NRXN3: variants seen among roughly 807,000 people sequenced by gnomAD.
The protein encoded by NRXN3 is neurexin III.
NRXN3 carries 32 observed loss-of-function variants against 137.6 expected under a neutral mutation model. That is an observed-to-expected ratio of 0.23 (90% confidence interval 0.18 to 0.31). NRXN3 has a LOEUF of 0.31. Among genes scored for constraint, NRXN3 ranks in the 10% least tolerant of loss-of-function variants. The probability of loss-of-function intolerance (pLI) is 1.00; values close to 1 mark genes in which losing one functional copy is unlikely to be tolerated. For missense variants in NRXN3, 1,574 were observed against 2,062.5 expected (o/e 0.76, Z 4.59); for synonymous variants, 798 against 784.5 (o/e 1.02, Z -0.29).
intron 15 of NRXN3, among the ~76,000 whole-genome samples, chr14:79,216,663 TTGTC>T (rs1273874444): frequency 1.3e-5 from 2 of 152,186 alleles, no homozygotes; most frequent in African/African-American, 4.8e-5. Context: ...GTTTGAAACA[TTGTC>T]TTTCTTCACC....
At chr14:78,983,252 TA>T (rs1243361314) in intron 14 of NRXN3, among the ~76,000 whole-genome samples, 1 of 152,162 alleles carries the variant, frequency 6.6e-6, no homozygotes, top group Non-Finnish European at 1.5e-5. Flanking sequence ...CTCAGAAAAC[TA>T]AAAATAGAAT....
At chr14:78,625,665 C>A (rs917373325) in intron 4 of NRXN3, among the ~76,000 whole-genome samples, 1 of 152,132 alleles carries the variant, frequency 6.6e-6, no homozygotes, top group African/African-American at 2.4e-5. Flanking sequence ...GTTATATCCT[C>A]CATCAGAGGT....
intron 16 of NRXN3, among the ~76,000 whole-genome samples, chr14:79,601,228 A>G (rs992156625): frequency 6.6e-6 from 1 of 151,840 alleles, no homozygotes. Context: ...TTTTTAGTAG[A>G]GACGGGGTTT....
At chr14:78,919,617 T>C (rs1452763542) in intron 10 of NRXN3, among the ~76,000 whole-genome samples, 1 of 152,202 alleles carries the variant, frequency 6.6e-6, no homozygotes, top group East Asian at 1.9e-4. Flanking sequence ...TTACTACTTC[T>C]ACATATCTCA....
Position 79,864,742 on chromosome 14 carries a change from T to C in NRXN3, c.*2778T>C, listed in dbSNP as rs1371053752. ...TTTGTTTGTTTGTTTTTGTTTTTTG[T>C]TTTTCGTTTTTTGTTTGTTTTTTTT... On this transcript the variant is annotated 3_prime_UTR_variant, in exon 21 of 21. Transcript: ENST00000335750. 6.6e-6 allele frequency: 1 copy of C among 152,142 alleles called. No homozygotes were observed. Among genetic ancestry groups the C allele is most frequent in the East Asian group, 1.9e-4 (1 of 5,196 alleles). The allele number at this position is 152,142 out of a possible 1,614,324, so 9.4% of individuals were successfully genotyped here. A position where few individuals can be genotyped will look rare whatever the true frequency, so the allele number is the denominator to read the frequency against.
At chr14:78,462,221 G>A (rs1280163554) in intron 4 of NRXN3, among the ~76,000 whole-genome samples, 1 of 152,108 alleles carries the variant, frequency 6.6e-6, no homozygotes, top group Non-Finnish European at 1.5e-5. Flanking sequence ...CTTGATCCAT[G>A]GATATCTTCT....
intron 17 of NRXN3, among the ~76,000 whole-genome samples, chr14:79,667,724 TC>T: frequency 6.6e-6 from 1 of 152,186 alleles, no homozygotes; most frequent in East Asian, 1.9e-4. Flanking sequence ...AGAGCTATCA[TC>T]CAGGCACTGA....
At chr14:79,583,719 T>A (rs28584086) in intron 16 of NRXN3, among the ~76,000 whole-genome samples, 13,514 of 152,172 alleles carry the variant, frequency 0.089, 1,225 homozygotes, top group African/African-American at 0.23. Flanking sequence ...AGGCAGCCCC[T>A]CTTGCAGTGA....
intron 10 of NRXN3, among the ~76,000 whole-genome samples, chr14:78,927,150 C>CTCTTGAGA (rs546385554): frequency 1.1e-4 from 12 of 111,710 alleles, no homozygotes; most frequent in Admixed American, 3.0e-4. Flanking sequence ...GTGAGACCCT[C>CTCTTGAGA]AAAAAAAAAA....
intron 16 of NRXN3, among the ~76,000 whole-genome samples, chr14:79,561,197 G>A (rs1021566996): frequency 3.3e-5 from 5 of 152,142 alleles, no homozygotes; most frequent in Admixed American, 2.0e-4. Context: ...TTGTCAAATT[G>A]TCTTTCTCCA....
At chr14:79,376,191 TGTGG>T (rs1326568059) in intron 15 of NRXN3, among the ~76,000 whole-genome samples, 6 of 108,382 alleles carry the variant, frequency 5.5e-5, no homozygotes, top group African/African-American at 1.1e-4. Context: ...TATATATACA[TGTGG>T]GTGTGTGTGT....
intron 4 of NRXN3, among the ~76,000 whole-genome samples, chr14:78,318,018 G>C (rs887067423): frequency 1.3e-5 from 2 of 152,180 alleles, no homozygotes; most frequent in African/African-American, 2.4e-5. Context: ...GCTCTACCTT[G>C]ATAGAATAAC....
chr14:79,171,281 C>T (rs775113376), intron 15 of NRXN3, among the ~76,000 whole-genome samples: 9 of 151,952 alleles, frequency 5.9e-5, no homozygotes, highest in Admixed American at 1.3e-4. Flanking sequence ...CTCTGTCTTC[C>T]GTGAGGGTTA....
intron 4 of NRXN3, among the ~76,000 whole-genome samples, chr14:78,417,163 C>T (rs2093185142): frequency 3.3e-5 from 5 of 152,210 alleles, no homozygotes; most frequent in Admixed American, 3.3e-4. Flanking sequence ...GGGATGTTGT[C>T]CACACTCTTA....
intron 16 of NRXN3, among the ~76,000 whole-genome samples, chr14:79,510,505 C>T (rs188673270): frequency 1.3e-5 from 2 of 152,172 alleles, no homozygotes; most frequent in African/African-American, 4.8e-5. Flanking sequence ...CATGACAGGA[C>T]ATGTGTGTTC....
At chr14:79,301,601 A>C (rs2085146365) in intron 15 of NRXN3, among the ~76,000 whole-genome samples, 1 of 152,196 alleles carries the variant, frequency 6.6e-6, no homozygotes, top group Non-Finnish European at 1.5e-5. Context: ...CTGCAAATCA[A>C]ACCCTTGCAC....
chr14:78,448,411 A>G (rs1257519749), intron 4 of NRXN3, among the ~76,000 whole-genome samples: 1 of 152,262 alleles, frequency 6.6e-6, no homozygotes, highest in East Asian at 1.9e-4. Context: ...TTGCATATGC[A>G]TTAAGAACAT....
At chr14:79,528,517 A>G (rs752216777) in intron 16 of NRXN3, among the ~76,000 whole-genome samples, 4 of 152,226 alleles carry the variant, frequency 2.6e-5, no homozygotes, top group Admixed American at 1.3e-4. Flanking sequence ...GTTTGCATCA[A>G]ATAAATACTG....
intron 17 of NRXN3, 145 bp downstream of exon 17, chr14:79,664,094 C>A: frequency 1.2e-6 from 1 of 853,666 alleles, no homozygotes; most frequent in Admixed American, 2.5e-5. Context: ...GAAGATAAGT[C>A]ATCTCTTTAG....
Sources: allele counts gnomAD v4.1 joint callset (sites outside exome capture counted in the v4.1 genomes callset), GRCh38; gene constraint gnomAD v4.1.1; transcripts MANE v1.5; gene names NCBI Gene and HGNC (gene_info 2026-07-23, HGNC 2026-07-21).